The following ABCA3 variants were observed in gnomAD, a reference collection of about 807,000 sequenced individuals.
ABCA3 encodes phospholipid-transporting ATPase ABCA3.
A neutral mutation model predicts 172.8 loss-of-function variants in ABCA3; 88 were observed. The observed-to-expected ratio is 0.51, with a 90% CI of 0.43 to 0.61. The LOEUF is 0.61. ABCA3 is among the 20% of genes least tolerant of loss of function. ABCA3 has a pLI of 0.00. For missense variants in ABCA3, 2,164 were observed against 2,301.0 expected, an observed-to-expected ratio of 0.94 and a Z score of 1.22; for synonymous variants, 1,066 against 983.8, an observed-to-expected ratio of 1.08 and a Z score of -1.56.
rs1307356375 is a variant in ABCA3 at position 2,284,066 on chromosome 16, A to G, written c.3862+213T>C. 1 of 563,950 alleles carries G rather than the reference A, an allele frequency of 1.8e-6. No homozygotes were observed. The highest frequency in any genetic ancestry group is 3.1e-5 in the Admixed American group (1 of 31,954). The allele number at this position is 563,950 out of a possible 1,614,324, so 34.9% of individuals were successfully genotyped here. The stretch of plus-strand genomic sequence containing the variant: ...CCTTGTTACAGATGCCCAGACACTG[A>G]GGCAGGTGGGAGAGTGGGAGCTCAG... On this transcript the variant is annotated intron_variant, in intron 25 of 32. Transcript: ENST00000301732. The surrounding 1 kb of genome is among the most constrained non-coding windows in gnomAD (Gnocchi z 5.9).
intron 10 of ABCA3, among the ~76,000 whole-genome samples, 171 bp downstream of exon 10, chr16:2,317,112 C>G (rs2093717142): frequency 6.6e-6 from 1 of 152,184 alleles, no homozygotes; most frequent in Admixed American, 6.5e-5. Context: ...TTCTCCTTCT[C>G]CCTAAATTAC....
At chr16:2,282,151 G>A (rs1329805939) in intron 26 of ABCA3, among the ~76,000 whole-genome samples, 1 of 152,126 alleles carries the variant, frequency 6.6e-6, no homozygotes, top group African/African-American at 2.4e-5. Flanking sequence ...CCCAGGCTGG[G>A]ATGCAATGGT....
rs889139664 is a variant in ABCA3, at chr16:2,297,254, C to T, written c.2263+75G>A. 5.8e-5 allele frequency: 90 copies of T among 1,538,902 alleles called. No homozygotes were observed. Among genetic ancestry groups the T allele is most frequent in the Non-Finnish European group, 7.9e-5 (89 of 1,129,560 alleles). On this transcript the variant is annotated intron_variant, in intron 17 of 32. Transcript: ENST00000301732. This position sits in a 1 kb window ranked among gnomAD's most constrained non-coding sequence, Gnocchi z 5.6. ...ACCCCTGCCTGATCTGAGGGCCCTTCATGAAGGTAGCAGCCATTCCCTCAG... is the reference window on the plus strand; with the variant it reads ...ACCCCTGCCTGATCTGAGGGCCCTTTATGAAGGTAGCAGCCATTCCCTCAG...
intron 26 of ABCA3, among the ~76,000 whole-genome samples, chr16:2,282,710 TCAG>T (rs1284848595): frequency 9.8e-6 from 1 of 102,286 alleles, no homozygotes. Flanking sequence ...CCACCTCTGC[TCAG>T]CAGGACTGGG....
intron 12 of ABCA3, 148 bp from the exon 13 acceptor site, chr16:2,300,296 C>T: frequency 8.9e-7 from 1 of 1,125,212 alleles, no homozygotes; most frequent in Non-Finnish European, 1.3e-6. Context: ...CAGGGAGAGC[C>T]CCAGAGAGTC....
chr16:2,331,381 T>C (rs1272394915), intron 1 of ABCA3, among the ~76,000 whole-genome samples: 3 of 152,208 alleles, frequency 2.0e-5, no homozygotes, highest in Non-Finnish European at 4.4e-5. Context: ...GTATTTTTAA[T>C]AGAGACGGAG....
intron 1 of ABCA3, among the ~76,000 whole-genome samples, chr16:2,333,159 A>G (rs2093746145): frequency 6.6e-6 from 1 of 152,154 alleles, no homozygotes; most frequent in South Asian, 2.1e-4. Flanking sequence ...TATGGAGCAG[A>G]GGTCCCTGGG....
At position 2,328,660 on chromosome 16, in the gene ABCA3, A is replaced by C. The variant is rs1338563195; in HGVS notation, c.-234T>G. 1 of 455,400 alleles carries C rather than the reference A, an allele frequency of 2.2e-6. No individual in the cohort carries two copies. Among genetic ancestry groups the C allele is most frequent in the Non-Finnish European group, 4.4e-6 (1 of 226,138 alleles). 28.2% of individuals were successfully genotyped at this position (455,400 alleles called of 1,614,324 possible). A position where few individuals can be genotyped will look rare whatever the true frequency, so the allele number is the denominator to read the frequency against. The stretch of plus-strand genomic sequence containing the variant: ...CCACTCGCTACAACTGCAGGCAGAG[A>C]GGAGTCCTTCCCGCTCAGCGTCCTT... On this transcript the variant is annotated 5_prime_UTR_variant, in exon 3 of 33. Coordinates refer to ENST00000301732, the MANE Select transcript of ABCA3 (RefSeq NM_001089.3).
At chr16:2,292,317 C>G in intron 18 of ABCA3, 79 bp from the exon 19 acceptor site, 5 of 1,278,966 alleles carry the variant, frequency 3.9e-6, no homozygotes, top group Non-Finnish European at 5.6e-6. Flanking sequence ...CACCCCCCCT[C>G]GGCCAGGCAC....
chr16:2,331,516 C>A (rs892525639), intron 1 of ABCA3, among the ~76,000 whole-genome samples: 2 of 152,216 alleles, frequency 1.3e-5, no homozygotes, highest in African/African-American at 2.4e-5. Flanking sequence ...TATCTCTGTG[C>A]CCCCACGGCA....
Position 2,324,411 on chromosome 16 carries a change from G to A in ABCA3, c.440C>T (p.Pro147Leu), listed in dbSNP as rs200171469. The A allele has an allele frequency of 1.2e-5, 19 of 1,598,568 alleles. No individual in the cohort carries two copies. Among genetic ancestry groups the A allele is most frequent in the East Asian group, 2.2e-5 (1 of 44,602 alleles). ...HPFNHSKEPL[P>L]LAVKYHLRFS... ...CCCGGCCGCACGTCTCACCGCCAGC[G>A]GCAGGGGCTCCTTGCTGTGGTTGAA... The change falls in exon 6 of 33, where the codon CCG (proline) becomes CTG (leucine). Residue 147 changes from proline to leucine, a missense_variant. Pro to Leu is a moderately conservative substitution (Grantham distance 98, BLOSUM62 -3). Transcript: ENST00000301732.
At position 2,285,004 on chromosome 16, in the gene ABCA3, G is replaced by A. The variant is rs374475885; in HGVS notation, c.3484-6C>T. The A allele has an allele frequency of 1.2e-6, 2 of 1,611,718 alleles. No individual in the cohort carries two copies. Among genetic ancestry groups the A allele is most frequent in the Non-Finnish European group, 1.7e-6 (2 of 1,179,590 alleles). ...TCGAAGGCCTTAAACACCACCTGCG[G>A]CGGCACAGGGAGGCGCTGCTGTGCA... On this transcript the variant is annotated splice_region_variant and splice_polypyrimidine_tract_variant and intron_variant, in intron 23 of 32. Coordinates refer to ENST00000301732, the MANE Select transcript of ABCA3 (RefSeq NM_001089.3). This position sits in a 1 kb window ranked among gnomAD's most constrained non-coding sequence, Gnocchi z 4.7.
rs1237826038 is a variant in ABCA3, at chr16:2,277,876, C to T, written c.4909+3G>A. On this transcript the variant is annotated splice_donor_region_variant and intron_variant, in intron 31 of 32. Coordinates refer to ENST00000301732, the MANE Select transcript of ABCA3 (RefSeq NM_001089.3). This position sits in a 1 kb window ranked among gnomAD's most constrained non-coding sequence, Gnocchi z 5.3. ...AGTGGGGGCTGCCGGGGCCGGCACA[C>T]ACCTGGAAAGGTCAGGTCCACGAAG... 1.2e-6 allele frequency: 2 copies of T among 1,608,714 alleles called. No individual in the cohort carries two copies. Among genetic ancestry groups the T allele is most frequent in the South Asian group, 1.1e-5 (1 of 90,976 alleles).
chr16:2,290,461 G>T (rs1261552711), intron 19 of ABCA3, among the ~76,000 whole-genome samples: 1 of 152,162 alleles, frequency 6.6e-6, no homozygotes, highest in Non-Finnish European at 1.5e-5. Flanking sequence ...CAGGTGGGCC[G>T]TGTGGTGAGT....
Position 2,277,249 on chromosome 16 carries a change from T to TA in ABCA3, c.4983+347dup, listed in dbSNP as rs1165732411. On this transcript the variant is annotated intron_variant, in intron 32 of 32. Transcript: ENST00000301732. The surrounding 1 kb of genome is among the most constrained non-coding windows in gnomAD (Gnocchi z 5.3). ...TGGCTGGGACTACAGGTATGCATGA[T>TA]ACCTGGCTAATTTTTAAATTTTTTG... Among the ~76,000 whole-genome samples the TA allele has an allele frequency of 6.6e-6, 1 of 152,004 alleles. No homozygotes were observed. The highest frequency in any genetic ancestry group is 1.5e-5 in the Non-Finnish European group (1 of 67,990).
At position 2,277,153 on chromosome 16, in the gene ABCA3, T is replaced by A. The variant is rs374719369; in HGVS notation, c.4984-348A>T. 4.6e-5 allele frequency among the ~76,000 whole-genome samples: 7 copies of A among 152,164 alleles called. No homozygotes were observed. Among genetic ancestry groups the A allele is most frequent in the African/African-American group, 1.7e-4 (7 of 41,432 alleles). The stretch of plus-strand genomic sequence containing the variant: ...CTCTGTAGCCCAGGCTGGAGTGCAG[T>A]GGCACAATCATAGCTCACTGCAGTC... On this transcript the variant is annotated intron_variant, in intron 32 of 32. Coordinates refer to ENST00000301732, the MANE Select transcript of ABCA3 (RefSeq NM_001089.3). The surrounding 1 kb of genome is among the most constrained non-coding windows in gnomAD (Gnocchi z 5.3).
intron 11 of ABCA3, among the ~76,000 whole-genome samples, chr16:2,306,228 G>C (rs1030068904): frequency 6.6e-6 from 1 of 152,096 alleles, no homozygotes; most frequent in African/African-American, 2.4e-5. Flanking sequence ...AGGAGGCTGA[G>C]GTGGGAGGAT....
Position 2,283,912 on chromosome 16 carries a change from C to T in ABCA3, c.3862+367G>A, listed in dbSNP as rs549318889. 4 of 263,736 alleles carry T rather than the reference C, an allele frequency of 1.5e-5. No individual in the cohort carries two copies. Among genetic ancestry groups the T allele is most frequent in the East Asian group, 9.2e-5 (1 of 10,914 alleles). 16.3% of individuals were successfully genotyped at this position (263,736 alleles called of 1,614,324 possible). A position where few individuals can be genotyped will look rare whatever the true frequency, so the allele number is the denominator to read the frequency against. On this transcript the variant is annotated intron_variant, in intron 25 of 32. Transcript: ENST00000301732. The surrounding 1 kb of genome is among the most constrained non-coding windows in gnomAD (Gnocchi z 5.4). ...AGGAGCTGCCATGCGAGGATGGAGG[C>T]GGTGGTGGGGAGTAGGTGCAGCCAG...
chr16:2,278,440 C>G lies in ABCA3; in HGVS notation c.4566G>C (p.Lys1522Asn), dbSNP rs775415505. The part of the protein sequence containing the change: ...VRTYSGGNKR[K>N]LSTGIALIGE... ...CGATCAGGGCGATGCCGGTGCTCAG[C>G]TTCCGCTTGTTACCACCACTAGAGG... The change falls in exon 30 of 33, where the codon AAG becomes AAC. Residue 1522 changes from lysine to asparagine, a missense_variant. By Grantham distance (94) the Lys-to-Asn change is moderately conservative. Coordinates refer to ENST00000301732, the MANE Select transcript of ABCA3 (RefSeq NM_001089.3). This position sits in a 1 kb window ranked among gnomAD's most constrained non-coding sequence, Gnocchi z 4.4. 6.2e-7 allele frequency: 1 copy of G among 1,612,558 alleles called. No homozygotes were observed. The highest frequency in any genetic ancestry group is 1.3e-5 in the African/African-American group (1 of 75,064).
Sources: allele counts gnomAD v4.1 joint callset (sites outside exome capture counted in the v4.1 genomes callset), GRCh38; gene constraint gnomAD v4.1.1; non-coding constraint Gnocchi (gnomAD v3.1); transcripts MANE v1.5; gene names NCBI Gene and HGNC (gene_info 2026-07-23, HGNC 2026-07-21).